GALNT13: variants seen among roughly 807,000 people sequenced by gnomAD.
GALNT13 encodes UDP-GalNAc:polypeptide N-acetylgalactosaminyltransferase 13.
A neutral mutation model predicts 64.2 loss-of-function variants in GALNT13; 28 were observed. That is an observed-to-expected ratio of 0.44 (90% CI 0.32 to 0.60). The LOEUF is 0.60. GALNT13 is among the 20% of genes least tolerant of loss of function. The probability of loss-of-function intolerance (pLI) is 0.05; values close to 1 mark genes in which losing one functional copy is unlikely to be tolerated. For missense variants in GALNT13, 577 were observed against 669.8 expected (o/e 0.86, Z 1.53); for synonymous variants, 214 against 224.6 (o/e 0.95, Z 0.42).
chr2:153,378,602 A>T, the GALNT13 span, among the ~76,000 whole-genome samples: 1 of 152,166 alleles, frequency 6.6e-6, no homozygotes, highest in East Asian at 1.9e-4. Context: ...CAAATTGGAT[A>T]ACAGTGTCCA....
chr2:153,085,199 T>C, the GALNT13 span, among the ~76,000 whole-genome samples: 1 of 152,146 alleles, frequency 6.6e-6, no homozygotes, highest in East Asian at 1.9e-4. Flanking sequence ...GGCTAAGCAC[T>C]TAAGATTAAG....
the GALNT13 span, among the ~76,000 whole-genome samples, chr2:153,691,026 A>G: frequency 3.3e-5 from 5 of 152,132 alleles, no homozygotes. Flanking sequence ...GTCTTACTGC[A>G]CTTGTAAACC....
intron 4 of GALNT13, among the ~76,000 whole-genome samples, chr2:154,166,859 G>C (rs1287920910): frequency 6.6e-6 from 1 of 151,976 alleles, no homozygotes; most frequent in Non-Finnish European, 1.5e-5. Context: ...CCATCATTCT[G>C]AGCAAACTAT....
chr2:153,645,150 T>A, the GALNT13 span, among the ~76,000 whole-genome samples: 1 of 152,250 alleles, frequency 6.6e-6, no homozygotes, highest in African/African-American at 2.4e-5. Flanking sequence ...TGAGATTACA[T>A]CTTATAAGAA....
chr2:153,754,934 C>T, the GALNT13 span, among the ~76,000 whole-genome samples: 2 of 152,124 alleles, frequency 1.3e-5, no homozygotes, highest in Admixed American at 1.3e-4. Flanking sequence ...GGGTGGATGC[C>T]AGCTGAGTTT....
At chr2:153,429,604 G>A in the GALNT13 span, among the ~76,000 whole-genome samples, 5 of 152,126 alleles carry the variant, frequency 3.3e-5, no homozygotes, top group African/African-American at 9.6e-5. Context: ...AACATCTTCC[G>A]AGAGAAAGCA....
the GALNT13 span, among the ~76,000 whole-genome samples, chr2:153,454,907 C>T: frequency 1.3e-5 from 2 of 152,148 alleles, no homozygotes; most frequent in Non-Finnish European, 2.9e-5. Context: ...CCTGTGCAGA[C>T]ATTAAAAGAT....
the GALNT13 span, among the ~76,000 whole-genome samples, chr2:153,549,358 A>G: frequency 6.6e-6 from 1 of 152,210 alleles, no homozygotes; most frequent in African/African-American, 2.4e-5. Flanking sequence ...TTTTTAAGGA[A>G]TGCAGTTTTA....
chr2:153,364,332 C>G, the GALNT13 span, among the ~76,000 whole-genome samples: 3 of 151,712 alleles, frequency 2.0e-5, no homozygotes, highest in Non-Finnish European at 1.5e-5. Context: ...TGGCACAAGA[C>G]AAGAATGCCC....
the GALNT13 span, among the ~76,000 whole-genome samples, chr2:153,810,797 T>C: frequency 1.1e-4 from 16 of 152,214 alleles, no homozygotes; most frequent in Non-Finnish European, 1.8e-4. Flanking sequence ...ATTTATCTAT[T>C]AAAATGTTGT....
chr2:154,143,690 G>A (rs1035595206), intron 4 of GALNT13, among the ~76,000 whole-genome samples: 2 of 151,264 alleles, frequency 1.3e-5, no homozygotes, highest in Admixed American at 6.6e-5. Context: ...GTGAAACCCC[G>A]TCTCTACTAC....
At chr2:153,770,811 C>T in the GALNT13 span, among the ~76,000 whole-genome samples, 8 of 152,192 alleles carry the variant, frequency 5.3e-5, no homozygotes, top group Non-Finnish European at 1.2e-4. Context: ...ATGACTGGGG[C>T]AGAGCTAGGC....
chr2:153,989,769 T>C (rs1056537471), intron 3 of GALNT13, among the ~76,000 whole-genome samples: 14 of 152,014 alleles, frequency 9.2e-5, no homozygotes, highest in African/African-American at 3.1e-4. Context: ...AGGGATTTAG[T>C]TGGAAATGCT....
chr2:153,837,647 A>G, the GALNT13 span, among the ~76,000 whole-genome samples: 1 of 151,834 alleles, frequency 6.6e-6, no homozygotes, highest in Admixed American at 6.6e-5. Context: ...TAGACATCAC[A>G]TTTTCTTTAT....
chr2:153,392,913 GGAGA>G, the GALNT13 span, among the ~76,000 whole-genome samples: 1 of 151,962 alleles, frequency 6.6e-6, no homozygotes, highest in East Asian at 1.9e-4. Flanking sequence ...GAGGTCCAAG[GGAGA>G]TTGTTAGCCA....
the GALNT13 span, among the ~76,000 whole-genome samples, chr2:153,401,170 T>C: frequency 3.9e-5 from 6 of 152,236 alleles, no homozygotes; most frequent in African/African-American, 7.2e-5. Context: ...TTTCTGCCTT[T>C]ATTTCGTTAT....
In GALNT13 at chr2:154,157,019, A is replaced by G. The variant is rs868657187; in HGVS notation, c.311+16514A>G. ...AATCACTACTCTGAGGCAGGCTTCA[A>G]TGCTGTCCATCAGTCATACGATATT... On this transcript the variant is annotated intron_variant, in intron 4 of 12. Coordinates refer to ENST00000392825, the MANE Select transcript of GALNT13 (RefSeq NM_052917.4). Among the ~76,000 whole-genome samples, 14 of 152,290 alleles carry G rather than the reference A, an allele frequency of 9.2e-5. No homozygotes were observed. The Middle Eastern group carries it at 0.02, about 222-fold the overall frequency.
intron 4 of GALNT13, among the ~76,000 whole-genome samples, chr2:154,193,748 C>T (rs1342321452): frequency 2.0e-5 from 3 of 152,138 alleles, no homozygotes; most frequent in South Asian, 2.1e-4. Context: ...ATAGGTAATA[C>T]GTGTGAGCAA....
the GALNT13 span, among the ~76,000 whole-genome samples, chr2:153,455,270 A>G: frequency 1.3e-5 from 2 of 152,250 alleles, no homozygotes; most frequent in African/African-American, 4.8e-5. Context: ...GAATACAAGT[A>G]TAGGAGTAAA....
Sources: gnomAD v4.1 joint callset for allele counts (sites outside exome capture counted in the v4.1 genomes callset) on GRCh38, gnomAD v4.1.1 for gene constraint, MANE v1.5 for transcripts, NCBI Gene and HGNC (gene_info 2026-07-23, HGNC 2026-07-21) for gene names.